The following KTN1 variants were observed in gnomAD, a reference collection of about 807,000 sequenced individuals.
KTN1 encodes the protein kinectin.
Under a neutral mutation model 222.5 loss-of-function variants are expected in KTN1, and 130 were observed. The observed-to-expected ratio is 0.58, with a 90% CI of 0.51 to 0.68. The LOEUF (loss-of-function observed/expected upper bound fraction) is 0.68, where lower values mean the gene tolerates loss of function less well. Among genes scored for constraint, KTN1 ranks in the 30% least tolerant of loss-of-function variants. The probability of loss-of-function intolerance (pLI) is 0.00; values close to 1 mark genes in which losing one functional copy is unlikely to be tolerated. For synonymous variants in KTN1, 512 were observed against 496.3 expected (o/e 1.03, Z -0.42); for missense variants, 1,508 against 1,500.4 (o/e 1.01, Z -0.08).
chr14:55,651,814 A>G, intron 24 of KTN1, 76 bp from the exon 25 acceptor site: 1 of 934,774 alleles, frequency 1.1e-6, no homozygotes, highest in East Asian at 2.5e-5. Context: ...AAGTGTACAC[A>G]TTATAAAGAC....
chr14:55,611,999 C>A lies in KTN1; in HGVS notation c.-30-20C>A. On this transcript the variant is annotated intron_variant, in intron 1 of 43. Transcript: ENST00000395314. ...ACAGGTTCTTTTTTTTTTTTTGTCC[C>A]CACCTTCTTCCCTATTTAGGTTTTA... 1 of 1,070,702 alleles carries A rather than the reference C, an allele frequency of 9.3e-7. No homozygotes were observed. Among genetic ancestry groups the A allele is most frequent in the Non-Finnish European group, 1.3e-6 (1 of 795,726 alleles). The allele number at this position is 1,070,702 out of a possible 1,614,324, so 66.3% of individuals were successfully genotyped here. A position where few individuals can be genotyped will look rare whatever the true frequency, so the allele number is the denominator to read the frequency against.
chr14:55,622,037 T>C (rs1177247105), intron 5 of KTN1, among the ~76,000 whole-genome samples: 1 of 151,636 alleles, frequency 6.6e-6, no homozygotes, highest in African/African-American at 2.4e-5. Flanking sequence ...TTAGTAGAGA[T>C]GGGGTTTCAC....
intron 2 of KTN1, among the ~76,000 whole-genome samples, chr14:55,613,350 A>AGG (rs1029326824): frequency 6.6e-6 from 1 of 152,058 alleles, no homozygotes; most frequent in Non-Finnish European, 1.5e-5. Flanking sequence ...TTCCAGGGAA[A>AGG]GGGGGTTGAT....
At position 55,646,977 on chromosome 14, in the gene KTN1, A is replaced by T; in HGVS notation, c.2177A>T (p.Asn726Ile). The T allele has an allele frequency of 1.3e-6, 2 of 1,534,078 alleles. No individual in the cohort carries two copies. The highest frequency in any genetic ancestry group is 1.8e-6 in the Non-Finnish European group (2 of 1,110,150). The change falls in exon 19 of 44, where the codon AAT becomes ATT. Residue 726 changes from asparagine (N) to isoleucine (I), a missense_variant. Coordinates refer to ENST00000395314, the MANE Select transcript of KTN1 (RefSeq NM_001079521.2). ...TTTTGGTGATTTTTATTTTAGCCTA[A>T]TAAGGATGTTGTGGAACAAATGGAA... Reference protein sequence around the residue: ...KLQTLVSEQPNKDVVEQMEKC... With the variant: ...KLQTLVSEQPIKDVVEQMEKC...
intron 30 of KTN1, 62 bp downstream of exon 30, chr14:55,658,676 C>T (rs1352666523): frequency 1.4e-5 from 13 of 927,286 alleles, no homozygotes; most frequent in East Asian, 5.0e-5. Flanking sequence ...TAACCAGTGA[C>T]ATATGAGTAT....
At chr14:55,589,656 CTTTTT>C (rs765755065) in intron 1 of KTN1, among the ~76,000 whole-genome samples, 2 of 102,060 alleles carry the variant, frequency 2.0e-5, no homozygotes, top group African/African-American at 3.6e-5. Flanking sequence ...CATCTGATTT[CTTTTT>C]TTTTTTTTTT....
chr14:55,634,499 G>A (rs780273935), intron 8 of KTN1, 27 bp from the exon 9 acceptor site: 5 of 1,565,856 alleles, frequency 3.2e-6, no homozygotes, highest in Non-Finnish European at 4.3e-6. Flanking sequence ...AATAACGGAA[G>A]GCTCCTAATC....
rs138685251 is a variant in KTN1 at position 55,649,929 on chromosome 14, T to C, written c.2405+116T>C. On this transcript the variant is annotated intron_variant, in intron 22 of 43. Coordinates refer to ENST00000395314, the MANE Select transcript of KTN1 (RefSeq NM_001079521.2). ...GGGACAGCTGATGTATGTTTAACTT[T>C]CACTCTATAATTTTTCTTAATGGAA... The C allele has an allele frequency of 3.5e-6, 2 of 569,120 alleles. 1 individual carries two copies. Among genetic ancestry groups the C allele is most frequent in the East Asian group, 6.4e-5 (2 of 31,350 alleles). 35.3% of individuals were successfully genotyped at this position (569,120 alleles called of 1,614,324 possible).
chr14:55,634,379 A>AT (rs2040874443), intron 8 of KTN1, 147 bp from the exon 9 acceptor site: 1 of 546,238 alleles, frequency 1.8e-6, no homozygotes, highest in Non-Finnish European at 3.1e-6. Context: ...ACTAAACTTT[A>AT]TTGTTAGTAG....
chr14:55,634,783 C>A (rs1264663429), intron 9 of KTN1, 125 bp downstream of exon 9: 3 of 714,260 alleles, frequency 4.2e-6, no homozygotes, highest in Non-Finnish European at 6.5e-6. Context: ...TTAATTGACT[C>A]ACGGTTCAAC....
At chr14:55,654,358 A>G (rs1009032441) in intron 28 of KTN1, among the ~76,000 whole-genome samples, 1 of 151,372 alleles carries the variant, frequency 6.6e-6, no homozygotes, top group Admixed American at 6.6e-5. Context: ...AAGGGAGATT[A>G]CTCTGTTCTT....
chr14:55,629,350 G>A (rs368800539), intron 6 of KTN1, among the ~76,000 whole-genome samples: 3 of 149,604 alleles, frequency 2.0e-5, no homozygotes, highest in East Asian at 2.0e-4. Flanking sequence ...TCTGGGAGGC[G>A]GAGCTTGTAG....
intron 12 of KTN1, among the ~76,000 whole-genome samples, chr14:55,638,581 C>T (rs759273907): frequency 2.0e-5 from 3 of 151,620 alleles, no homozygotes; most frequent in Non-Finnish European, 3.0e-5. Flanking sequence ...TATATTTTTC[C>T]CAGTTGCTTT....
intron 27 of KTN1, 88 bp downstream of exon 27, chr14:55,653,173 C>A: frequency 1.1e-6 from 1 of 907,380 alleles, no homozygotes. Context: ...TTAATATGTT[C>A]TGAGTTTCTT....
At chr14:55,634,257 T>C (rs2040863893) in intron 8 of KTN1, among the ~76,000 whole-genome samples, 1 of 152,236 alleles carries the variant, frequency 6.6e-6, no homozygotes, top group African/African-American at 2.4e-5. Flanking sequence ...TTTAATACGT[T>C]TTCAGAAGAC....
Position 55,647,069 on chromosome 14 carries a change from A to G in KTN1, c.2207+62A>G, listed in dbSNP as rs529675505. The G allele has an allele frequency of 6.2e-5, 63 of 1,010,986 alleles. 1 individual carries two copies. The South Asian group carries it at 8.6e-4, about 14-fold the overall frequency. 62.6% of individuals were successfully genotyped at this position (1,010,986 alleles called of 1,614,324 possible). ...TACTTCTACCAAATTAACTACATTA[A>G]TTAGAGTTTTAAAATTCTCTTTAAA... On this transcript the variant is annotated intron_variant, in intron 19 of 43. Coordinates refer to ENST00000395314, the MANE Select transcript of KTN1 (RefSeq NM_001079521.2).
At chr14:55,628,951 T>C (rs1055238237) in intron 6 of KTN1, among the ~76,000 whole-genome samples, 6 of 152,240 alleles carry the variant, frequency 3.9e-5, no homozygotes, top group African/African-American at 1.4e-4. Flanking sequence ...AGCCATAAAT[T>C]ATGTAATATC....
intron 1 of KTN1, among the ~76,000 whole-genome samples, chr14:55,610,836 C>T (rs908865173): frequency 3.3e-5 from 5 of 152,328 alleles, no homozygotes; most frequent in East Asian, 3.9e-4. Context: ...CTACCCTTCA[C>T]GTAAGTGATA....
At chr14:55,596,117 T>C (rs957939939) in intron 1 of KTN1, among the ~76,000 whole-genome samples, 3 of 130,350 alleles carry the variant, frequency 2.3e-5, no homozygotes, top group Admixed American at 8.8e-5. Flanking sequence ...ATCGTGCCAC[T>C]GCACTCCAGC....
Sources: allele counts gnomAD v4.1 joint callset (sites outside exome capture counted in the v4.1 genomes callset), GRCh38; gene constraint gnomAD v4.1.1; transcripts MANE v1.5; gene names NCBI Gene and HGNC (gene_info 2026-07-23, HGNC 2026-07-21).